ARB2A: variants seen among roughly 807,000 people sequenced by gnomAD.
ARB2A encodes the protein cotranscriptional regulator ARB2A.
chr5:93,935,703 C>G, the ARB2A span, among the ~76,000 whole-genome samples: 7 of 152,108 alleles, frequency 4.6e-5, no homozygotes, highest in South Asian at 2.1e-4. Flanking sequence ...ACACAAAGTA[C>G]CAGTTATCTA....
the ARB2A span, among the ~76,000 whole-genome samples, chr5:93,706,479 G>A: frequency 6.6e-6 from 1 of 152,140 alleles, no homozygotes; most frequent in East Asian, 1.9e-4. Flanking sequence ...CAGTGGTGAT[G>A]GCTACAACAC....
chr5:93,872,102 C>T, the ARB2A span, among the ~76,000 whole-genome samples: 1 of 151,992 alleles, frequency 6.6e-6, no homozygotes. Context: ...GCGCGCACCA[C>T]CATGCCCGGC....
the ARB2A span, among the ~76,000 whole-genome samples, chr5:94,051,148 G>T: frequency 6.6e-6 from 1 of 152,140 alleles, no homozygotes; most frequent in Non-Finnish European, 1.5e-5. Context: ...CAGTCCTCAA[G>T]AAGCTTAGAG....
the ARB2A span, among the ~76,000 whole-genome samples, chr5:93,765,122 G>A: frequency 6.6e-6 from 1 of 152,102 alleles, no homozygotes; most frequent in Non-Finnish European, 1.5e-5. Context: ...GCATTCCCTT[G>A]CAAAACTGGC....
the ARB2A span, among the ~76,000 whole-genome samples, chr5:94,102,325 A>G: frequency 6.6e-6 from 1 of 152,148 alleles, no homozygotes; most frequent in Non-Finnish European, 1.5e-5. Flanking sequence ...CATTTTAAGA[A>G]GGAACCAAAC....
chr5:93,668,984 C>T, the ARB2A span, among the ~76,000 whole-genome samples: 2 of 152,182 alleles, frequency 1.3e-5, no homozygotes, highest in Admixed American at 1.3e-4. Flanking sequence ...TACAACAAAA[C>T]CTGTGATCCC....
chr5:93,921,574 A>G, the ARB2A span, among the ~76,000 whole-genome samples: 3 of 152,078 alleles, frequency 2.0e-5, no homozygotes, highest in African/African-American at 7.3e-5. Flanking sequence ...ATGCAGACAA[A>G]AGTGCCCAAT....
At chr5:94,077,904 T>C in the ARB2A span, among the ~76,000 whole-genome samples, 1 of 152,256 alleles carries the variant, frequency 6.6e-6, no homozygotes, top group African/African-American at 2.4e-5. Context: ...GCAATTATCA[T>C]ATCCCTTTCC....
At chr5:93,804,928 A>C in the ARB2A span, 1 of 969,908 alleles carries the variant, frequency 1.0e-6, no homozygotes, top group Non-Finnish European at 1.2e-6. Context: ...GAGATATATA[A>C]TAATATCATA....
chr5:93,745,759 G>A, the ARB2A span, among the ~76,000 whole-genome samples: 2 of 151,864 alleles, frequency 1.3e-5, no homozygotes, highest in African/African-American at 4.8e-5. Context: ...GAGAGAGAGG[G>A]CAGGGCAGAC....
chr5:93,798,224 T>C, the ARB2A span, among the ~76,000 whole-genome samples: 1 of 152,084 alleles, frequency 6.6e-6, no homozygotes. Context: ...TCTACCATAC[T>C]ACTTTCTGTC....
At chr5:93,678,702 G>A in the ARB2A span, among the ~76,000 whole-genome samples, 1 of 151,932 alleles carries the variant, frequency 6.6e-6, no homozygotes, top group South Asian at 2.1e-4. Flanking sequence ...GTTGCAGTGA[G>A]CAGAGAGCGG....
At chr5:94,087,157 A>G in the ARB2A span, among the ~76,000 whole-genome samples, 1 of 152,186 alleles carries the variant, frequency 6.6e-6, no homozygotes, top group Non-Finnish European at 1.5e-5. Flanking sequence ...CTTTGAAAAT[A>G]GAAAAAAGCT....
chr5:93,974,151 A>G, the ARB2A span, among the ~76,000 whole-genome samples: 1 of 152,328 alleles, frequency 6.6e-6, no homozygotes, highest in South Asian at 2.1e-4. Context: ...TCTTCAAGAG[A>G]GCAATCTCAC....
the ARB2A span, among the ~76,000 whole-genome samples, chr5:94,012,718 T>C: frequency 6.6e-6 from 1 of 152,208 alleles, no homozygotes; most frequent in Non-Finnish European, 1.5e-5. Flanking sequence ...TATTGCTTTT[T>C]TTTGTTTTTA....
chr5:93,877,668 G>A, the ARB2A span, among the ~76,000 whole-genome samples: 1 of 152,098 alleles, frequency 6.6e-6, no homozygotes, highest in Non-Finnish European at 1.5e-5. Flanking sequence ...TATCAAGACA[G>A]TACCTGGTAA....
the ARB2A span, among the ~76,000 whole-genome samples, chr5:93,921,698 A>C: frequency 6.6e-6 from 1 of 152,206 alleles, no homozygotes; most frequent in Non-Finnish European, 1.5e-5. Flanking sequence ...ACATGCATTC[A>C]GGTTTATGAT....
chr5:93,781,190 A>G, the ARB2A span, among the ~76,000 whole-genome samples: 1 of 152,024 alleles, frequency 6.6e-6, no homozygotes, highest in Non-Finnish European at 1.5e-5. Flanking sequence ...GGAGTCTCCA[A>G]TGTCTATTAT....
the ARB2A span, among the ~76,000 whole-genome samples, chr5:93,684,250 T>G: frequency 6.6e-6 from 1 of 152,190 alleles, no homozygotes; most frequent in East Asian, 1.9e-4. Context: ...GGAGTCAGAA[T>G]TGCAGTGTTT....
Sources: allele counts gnomAD v4.1 joint callset (sites outside exome capture counted in the v4.1 genomes callset), GRCh38; gene constraint gnomAD v4.1.1; transcripts MANE v1.5; gene names NCBI Gene and HGNC (gene_info 2026-07-23, HGNC 2026-07-21).